NLK: variants seen among roughly 807,000 people sequenced by gnomAD.
NLK encodes the protein nemo like kinase.
Under a neutral mutation model 59.0 loss-of-function variants are expected in NLK, and 11 were observed. The ratio of observed to expected loss-of-function variants is 0.19; its 90% CI spans 0.12 to 0.31. NLK has a LOEUF of 0.31. Ranked by LOEUF, NLK falls within the 10% of genes least tolerant of loss-of-function variation. The pLI, the probability that NLK is intolerant of heterozygous loss-of-function variation, is 1.00. For missense variants in NLK, 410 were observed against 661.1 expected (o/e 0.62, Z 4.16); for synonymous variants, 235 against 235.9 (o/e 1.00, Z 0.03).
intron 2 of NLK, among the ~76,000 whole-genome samples, chr17:28,129,321 C>T (rs1480051339): frequency 5.9e-5 from 9 of 152,116 alleles, no homozygotes; most frequent in East Asian, 3.9e-4. Context: ...GGCATGGTGG[C>T]GCATGCCCGT....
chr17:28,162,342 T>C (rs1426540461), intron 4 of NLK, among the ~76,000 whole-genome samples: 1 of 152,038 alleles, frequency 6.6e-6, no homozygotes, highest in Non-Finnish European at 1.5e-5. Context: ...ACTAAAAAAC[T>C]CACCTCCAGG....
At chr17:28,141,868 A>G (rs1329115177) in intron 3 of NLK, among the ~76,000 whole-genome samples, 1 of 151,968 alleles carries the variant, frequency 6.6e-6, no homozygotes, top group African/African-American at 2.4e-5. Context: ...GGTTTTTTAT[A>G]CTCCAAAAAA....
rs1477374395 is a variant in NLK at position 28,043,041 on chromosome 17, G to A, written c.168G>A (p.Gly56=). The change falls in exon 1 of 11, where the codon GGG becomes GGA. Residue 56 remains glycine, a synonymous_variant. Transcript: ENST00000407008. ...HHHPQHHLHP[G]SAAAVHPVQQ... ...ACCCTCAACACCATCTTCATCCGGG[G>A]TCGGCTGCCGCTGTACACCCTGTAC... 1 of 1,557,670 alleles carries A rather than the reference G, an allele frequency of 6.4e-7. No homozygotes were observed. The highest frequency in any genetic ancestry group is 1.4e-5 in the African/African-American group (1 of 73,360).
chr17:28,181,335 G>A (rs1299656851), intron 7 of NLK, among the ~76,000 whole-genome samples: 1 of 152,040 alleles, frequency 6.6e-6, no homozygotes, highest in Non-Finnish European at 1.5e-5. Flanking sequence ...GGAGGTGGAG[G>A]TTGCAGTGAG....
intron 1 of NLK, among the ~76,000 whole-genome samples, chr17:28,066,908 G>T (rs1198970571): frequency 4.6e-5 from 7 of 152,126 alleles, no homozygotes; most frequent in African/African-American, 1.7e-4. Context: ...TTTTTGTAAA[G>T]TATCTATTCA....
intron 8 of NLK, among the ~76,000 whole-genome samples, chr17:28,190,003 T>C (rs1242259715): frequency 6.6e-6 from 1 of 152,200 alleles, no homozygotes; most frequent in Non-Finnish European, 1.5e-5. Flanking sequence ...TCCGGGCTTA[T>C]GAGAAACATT....
intron 7 of NLK, among the ~76,000 whole-genome samples, chr17:28,184,013 C>A (rs149078712): frequency 1.3e-5 from 2 of 152,338 alleles, no homozygotes; most frequent in African/African-American, 4.8e-5. Context: ...CCTGACGCTT[C>A]TAGCAGTGAA....
intron 6 of NLK, among the ~76,000 whole-genome samples, chr17:28,170,054 A>G (rs1268266039): frequency 6.6e-6 from 1 of 152,146 alleles, no homozygotes; most frequent in Non-Finnish European, 1.5e-5. Context: ...AGGATATAAC[A>G]TTTCACCCAC....
chr17:28,078,569 C>T (rs566301584), intron 1 of NLK, among the ~76,000 whole-genome samples: 15 of 152,270 alleles, frequency 9.9e-5, no homozygotes, highest in South Asian at 8.3e-4. Flanking sequence ...AGGATTACTA[C>T]ACGTGTTCTC....
At chr17:28,153,311 A>C (rs1907565375) in intron 3 of NLK, among the ~76,000 whole-genome samples, 1 of 151,822 alleles carries the variant, frequency 6.6e-6, no homozygotes. Context: ...CAACTGTCTT[A>C]GTCCATTCAT....
At chr17:28,095,504 A>T (rs149899283) in intron 1 of NLK, among the ~76,000 whole-genome samples, 23 of 152,312 alleles carry the variant, frequency 1.5e-4, no homozygotes, top group African/African-American at 5.3e-4. Flanking sequence ...CTCTCTATCC[A>T]AGTCTCACTT....
chr17:28,199,665 CAAAA>C (rs1303411168), downstream of NLK, among the ~76,000 whole-genome samples: 7 of 33,576 alleles, frequency 2.1e-4, no homozygotes, highest in African/African-American at 6.8e-4. Context: ...GACTCTGTCT[CAAAA>C]AAAAAAAAAA....
intron 1 of NLK, among the ~76,000 whole-genome samples, chr17:28,058,772 G>A (rs1203193656): frequency 6.6e-6 from 1 of 152,158 alleles, no homozygotes; most frequent in African/African-American, 2.4e-5. Flanking sequence ...CCATCTCTAT[G>A]TAAAAAAGGA....
chr17:28,056,275 A>G (rs1326454797), intron 1 of NLK, among the ~76,000 whole-genome samples: 2 of 152,232 alleles, frequency 1.3e-5, no homozygotes, highest in Non-Finnish European at 2.9e-5. Context: ...GCTCTGCCTC[A>G]AAGAAACTAG....
intron 3 of NLK, among the ~76,000 whole-genome samples, chr17:28,138,691 T>C (rs1906861251): frequency 6.6e-6 from 1 of 152,240 alleles, no homozygotes; most frequent in Non-Finnish European, 1.5e-5. Flanking sequence ...CAGAAATCTA[T>C]ATCCTGGGAG....
chr17:28,129,478 G>C (rs1906427087), intron 2 of NLK, among the ~76,000 whole-genome samples: 1 of 152,118 alleles, frequency 6.6e-6, no homozygotes, highest in Middle Eastern at 3.4e-3. Flanking sequence ...GGGCTAAAAT[G>C]TCTAATTTCT....
At chr17:28,052,078 G>A (rs1484894786) in intron 1 of NLK, among the ~76,000 whole-genome samples, 2 of 151,956 alleles carry the variant, frequency 1.3e-5, no homozygotes, top group Non-Finnish European at 2.9e-5. Context: ...TATACATGTA[G>A]TTCAGCTGTG....
At chr17:28,085,250 A>G (rs901998254) in intron 1 of NLK, among the ~76,000 whole-genome samples, 5 of 152,182 alleles carry the variant, frequency 3.3e-5, no homozygotes, top group Admixed American at 1.3e-4. Flanking sequence ...CATGGAGTGA[A>G]TAAAGTTTAC....
chr17:28,059,972 T>G (rs1909574244), intron 1 of NLK, among the ~76,000 whole-genome samples: 1 of 152,214 alleles, frequency 6.6e-6, no homozygotes, highest in African/African-American at 2.4e-5. Context: ...TTTGTTACCT[T>G]TGTTTTAAAT....
Sources: allele counts gnomAD v4.1 joint callset (sites outside exome capture counted in the v4.1 genomes callset), GRCh38; gene constraint gnomAD v4.1.1; transcripts MANE v1.5; gene names NCBI Gene and HGNC (gene_info 2026-07-23, HGNC 2026-07-21).